ITSN1: variants seen among roughly 807,000 people sequenced by gnomAD.
ITSN1 encodes intersectin-1.
ITSN1 carries 58 observed loss-of-function variants against 239.8 expected under a neutral mutation model. That is an observed-to-expected ratio of 0.24 (90% CI 0.20 to 0.30). ITSN1 has a LOEUF of 0.30. Among genes scored for constraint, ITSN1 ranks in the 10% least tolerant of loss-of-function variants. The probability of loss-of-function intolerance (pLI) is 1.00; values close to 1 mark genes in which losing one functional copy is unlikely to be tolerated. For synonymous variants in ITSN1, 780 were observed against 770.8 expected, an observed-to-expected ratio of 1.01 and a Z score of -0.20; for missense variants, 1,558 against 2,103.3, an observed-to-expected ratio of 0.74 and a Z score of 5.07.
At chr21:33,722,785 T>G (rs2065578989) in intron 4 of ITSN1, 134 bp downstream of exon 4, 1 of 838,624 alleles carries the variant, frequency 1.2e-6, no homozygotes, top group African/African-American at 1.8e-5. Flanking sequence ...ATCTTGTTAC[T>G]TCTTACCAGA....
chr21:33,721,716 C>T (rs1264294060), intron 3 of ITSN1, among the ~76,000 whole-genome samples: 2 of 151,342 alleles, frequency 1.3e-5, no homozygotes, highest in South Asian at 2.1e-4. Context: ...ATTGTTTGAA[C>T]CCTAGAGGCA....
At position 33,877,057 on chromosome 21, in the gene ITSN1, A is replaced by AT. The variant is rs921308673; in HGVS notation, c.4341+1536_4341+1537insT. On this transcript the variant is annotated intron_variant, in intron 34 of 39. Coordinates refer to ENST00000381318, the MANE Select transcript of ITSN1 (RefSeq NM_003024.3). ...GTTCCTTAGAACTTTACCTGTGGGCACCTTTTTTTTTTTTGAAATGGAGTC... is the reference window on the plus strand; with the variant it reads ...GTTCCTTAGAACTTTACCTGTGGGCATCCTTTTTTTTTTTTGAAATGGAGTC... Among the ~76,000 whole-genome samples, 46 of 28,988 alleles carry AT rather than the reference A, an allele frequency of 1.6e-3. 2 individuals are homozygous for AT. Among genetic ancestry groups the AT allele is most frequent in the African/African-American group, 2.1e-3 (9 of 4,246 alleles). 19.0% of individuals were successfully genotyped at this position (28,988 alleles called of 152,430 possible). A position where few individuals can be genotyped will look rare whatever the true frequency, so the allele number is the denominator to read the frequency against.
intron 1 of ITSN1, among the ~76,000 whole-genome samples, chr21:33,646,109 A>G (rs1568826795): frequency 6.6e-6 from 1 of 152,222 alleles, no homozygotes; most frequent in Non-Finnish European, 1.5e-5. Flanking sequence ...TTAGTGGCAT[A>G]TTAAAGCCCA....
At position 33,889,102 on chromosome 21, in the gene ITSN1, A is replaced by C. The variant is rs77597909; in HGVS notation, c.*802A>C. ...TACAGGTCACTGGAAAGGCAACTTT[A>C]CAATGTTGGGTCACTGGGTCTCGGT... On this transcript the variant is annotated 3_prime_UTR_variant, in exon 40 of 40. Transcript: ENST00000381318. The C allele has an allele frequency of 6.6e-6, 1 of 152,156 alleles. No individual in the cohort carries two copies. Among genetic ancestry groups the C allele is most frequent in the East Asian group, 1.9e-4 (1 of 5,170 alleles). 9.4% of individuals were successfully genotyped at this position (152,156 alleles called of 1,614,324 possible). A position where few individuals can be genotyped will look rare whatever the true frequency, so the allele number is the denominator to read the frequency against.
At chr21:33,744,925 G>A (rs1873647649) in intron 5 of ITSN1, among the ~76,000 whole-genome samples, 1 of 152,182 alleles carries the variant, frequency 6.6e-6, no homozygotes. Context: ...GAAAGAATCA[G>A]GCATTTATTA....
chr21:33,659,824 A>G (rs761524637), intron 1 of ITSN1, among the ~76,000 whole-genome samples: 10 of 149,452 alleles, frequency 6.7e-5, no homozygotes, highest in East Asian at 4.0e-4. Flanking sequence ...GGCTCAGGCA[A>G]TCCTCTCACC....
chr21:33,825,842 A>G (rs2073945836), intron 25 of ITSN1, among the ~76,000 whole-genome samples: 1 of 152,196 alleles, frequency 6.6e-6, no homozygotes, highest in African/African-American at 2.4e-5. Flanking sequence ...TTTTCCTGGT[A>G]AATGTTTCTT....
At chr21:33,747,004 A>G (rs2067223599) in intron 5 of ITSN1, among the ~76,000 whole-genome samples, 1 of 152,156 alleles carries the variant, frequency 6.6e-6, no homozygotes, top group Non-Finnish European at 1.5e-5. Flanking sequence ...AAATGCAGAA[A>G]TTAGCTGGGC....
chr21:33,787,085 G>A (rs150369376), intron 16 of ITSN1, among the ~76,000 whole-genome samples: 14 of 152,248 alleles, frequency 9.2e-5, no homozygotes, highest in East Asian at 3.9e-4. Flanking sequence ...ATTATTAATC[G>A]TGGAGTATGA....
At chr21:33,649,393 G>A (rs1309173223) in intron 1 of ITSN1, among the ~76,000 whole-genome samples, 1 of 152,188 alleles carries the variant, frequency 6.6e-6, no homozygotes, top group East Asian at 1.9e-4. Context: ...AGCTCTCTAA[G>A]AAAGTGAATT....
rs1397789205 is a variant in ITSN1, at chr21:33,775,098, A to G, written c.1586A>G (p.Gln529Arg). ...ATTGCCGAAATCACCCATCTACAGC[A>G]ACAATTACAGGTGAGGAAATATGCC... ...LRIAEITHLQQQLQESQQMLG... is the reference protein window; with the variant it reads ...LRIAEITHLQRQLQESQQMLG... Residue 529 changes from glutamine (Q) to arginine (R), a missense_variant, in exon 14 of 40, where the codon CAA (glutamine) becomes CGA (arginine). Around this residue, in one of 2 missense-constraint regions of ITSN1, gnomAD observed 982 missense variants for 1,209.9 expected, o/e 0.81. Transcript: ENST00000381318. The G allele has an allele frequency of 2.5e-6, 4 of 1,612,288 alleles. No homozygotes were observed. Among genetic ancestry groups the G allele is most frequent in the Admixed American group, 3.4e-5 (2 of 59,594 alleles).
chr21:33,722,072 TA>T (rs1490416265), intron 3 of ITSN1: 1 of 151,820 alleles, frequency 6.6e-6, no homozygotes, highest in Non-Finnish European at 1.5e-5. Context: ...ATGCCCAGCT[TA>T]TTTTTTATAT....
At chr21:33,881,702 C>T (rs1010438155) in intron 34 of ITSN1, among the ~76,000 whole-genome samples, 1 of 152,074 alleles carries the variant, frequency 6.6e-6, no homozygotes, top group African/African-American at 2.4e-5. Flanking sequence ...GAGAAATGGC[C>T]AAGCCCAGTG....
chr21:33,774,722 G>A lies in ITSN1; in HGVS notation c.1306-7G>A. On this transcript the variant is annotated splice_polypyrimidine_tract_variant and splice_region_variant and intron_variant, in intron 12 of 39. Transcript: ENST00000381318. ...AAATTAGTAATTTGTCTCTGTAAAT[G>A]TCACAGGCTGCAAAACGGGAACTTG... 6.2e-7 allele frequency: 1 copy of A among 1,611,038 alleles called. No homozygotes were observed. The highest frequency in any genetic ancestry group is 1.1e-5 in the South Asian group (1 of 90,588).
intron 22 of ITSN1, among the ~76,000 whole-genome samples, chr21:33,816,490 T>C (rs904409739): frequency 1.3e-5 from 2 of 152,164 alleles, no homozygotes; most frequent in Admixed American, 6.5e-5. Context: ...TTCAGAGAGA[T>C]TAAACAGTTG....
intron 17 of ITSN1, 121 bp downstream of exon 17, chr21:33,794,589 G>A (rs1285128579): frequency 1.5e-6 from 2 of 1,305,878 alleles, no homozygotes; most frequent in African/African-American, 1.5e-5. Context: ...GTGTGCATGT[G>A]AAGTGTGAGT....
rs1404347598 is a variant in ITSN1 at position 33,889,039 on chromosome 21, A to T, written c.*739A>T. The stretch of plus-strand genomic sequence containing the variant: ...GCTTAGAATATGGTCACAGAAAGTC[A>T]TTATCTAGAAAGTCACCCCTCTGCT... On this transcript the variant is annotated 3_prime_UTR_variant, in exon 40 of 40. Coordinates refer to ENST00000381318, the MANE Select transcript of ITSN1 (RefSeq NM_003024.3). 6.6e-6 allele frequency: 1 copy of T among 151,964 alleles called. No homozygotes were observed. The allele number at this position is 151,964 out of a possible 1,614,324, so 9.4% of individuals were successfully genotyped here.
chr21:33,739,964 G>C (rs2066742972), intron 5 of ITSN1, among the ~76,000 whole-genome samples: 2 of 152,152 alleles, frequency 1.3e-5, no homozygotes. Flanking sequence ...TATATCTGGT[G>C]GTGATAATCA....
intron 1 of ITSN1, among the ~76,000 whole-genome samples, chr21:33,650,400 T>C (rs926762664): frequency 2.0e-5 from 3 of 152,198 alleles, no homozygotes; most frequent in African/African-American, 7.2e-5. Flanking sequence ...TCGTTTTGTG[T>C]GTGTGTGTCT....
Sources: allele counts gnomAD v4.1 joint callset (sites outside exome capture counted in the v4.1 genomes callset), GRCh38; gene constraint gnomAD v4.1.1; regional missense constraint gnomAD v4.1.1; transcripts MANE v1.5; gene names NCBI Gene and HGNC (gene_info 2026-07-23, HGNC 2026-07-21).